SUCLG2: variants seen among roughly 807,000 people sequenced by gnomAD.
SUCLG2 encodes the protein succinate--CoA ligase [GDP-forming] subunit beta, mitochondrial.
Under a neutral mutation model 47.9 loss-of-function variants are expected in SUCLG2, and 42 were observed. The observed-to-expected ratio is 0.88, with a 90% confidence interval of 0.69 to 1.14. The LOEUF is 1.14. Ranked by LOEUF, SUCLG2 falls within the 50% of genes most tolerant of loss-of-function variation. The pLI is 0.00. For synonymous variants in SUCLG2, 195 were observed against 197.3 expected, an observed-to-expected ratio of 0.99 and a Z score of 0.10; for missense variants, 571 against 525.9, an observed-to-expected ratio of 1.09 and a Z score of -0.84.
chr3:67,380,259 C>G (rs1392746884), intron 10 of SUCLG2, among the ~76,000 whole-genome samples: 1 of 150,914 alleles, frequency 6.6e-6, no homozygotes, highest in Non-Finnish European at 1.5e-5. Context: ...GCTGGCTGTG[C>G]TCACTGCCCT....
At chr3:67,498,053 G>C (rs181638965) in intron 8 of SUCLG2, 81 bp downstream of exon 8, 4 of 1,402,678 alleles carry the variant, frequency 2.9e-6, no homozygotes, top group Non-Finnish European at 3.9e-6. Context: ...CTTCTTCTTG[G>C]TAAGTGACAT....
In SUCLG2 at chr3:67,606,001, C is replaced by A. The variant is rs571346246; in HGVS notation, c.226+3454G>T. On this transcript the variant is annotated intron_variant, in intron 2 of 10. Coordinates refer to ENST00000307227, the MANE Select transcript of SUCLG2 (RefSeq NM_003848.4). ...GCTGAGGCAGGAAGATCACTTGAGG[C>A]CAAACTGGGCAACACAGAGAGACCC... Among the ~76,000 whole-genome samples the A allele has an allele frequency of 2.0e-5, 3 of 151,964 alleles. No homozygotes were observed. In the South Asian group the frequency reaches 6.3e-4, roughly 32 times the overall value.
At chr3:67,570,543 T>A (rs1169147919) in intron 2 of SUCLG2, among the ~76,000 whole-genome samples, 1 of 152,190 alleles carries the variant, frequency 6.6e-6, no homozygotes, top group Non-Finnish European at 1.5e-5. Flanking sequence ...GGGCTGGGCA[T>A]GACAGAAAGA....
At chr3:67,653,841 C>T (rs1701330712) in intron 1 of SUCLG2, among the ~76,000 whole-genome samples, 1 of 152,216 alleles carries the variant, frequency 6.6e-6, no homozygotes, top group Non-Finnish European at 1.5e-5. Flanking sequence ...CCACCACTGA[C>T]CCTCTTTGAT....
At chr3:67,472,669 A>G (rs894201621) in intron 9 of SUCLG2, among the ~76,000 whole-genome samples, 2 of 152,190 alleles carry the variant, frequency 1.3e-5, no homozygotes, top group African/African-American at 2.4e-5. Context: ...AGATGACAGA[A>G]GCCAATCAAT....
At chr3:67,565,648 T>A (rs1321931214) in intron 2 of SUCLG2, among the ~76,000 whole-genome samples, 2 of 152,194 alleles carry the variant, frequency 1.3e-5, no homozygotes, top group African/African-American at 2.4e-5. Flanking sequence ...CAATAATTTA[T>A]CCAAATTTCC....
At chr3:67,485,235 A>C (rs1454128453) in intron 9 of SUCLG2, among the ~76,000 whole-genome samples, 1 of 152,208 alleles carries the variant, frequency 6.6e-6, no homozygotes, top group East Asian at 1.9e-4. Context: ...TAATTGTATA[A>C]AATACATAAA....
intron 2 of SUCLG2, among the ~76,000 whole-genome samples, chr3:67,578,340 GA>G (rs1015032646): frequency 4.0e-5 from 6 of 149,994 alleles, no homozygotes; most frequent in Admixed American, 2.0e-4. Flanking sequence ...CTATATCCAA[GA>G]GGTAAAGAAA....
chr3:67,367,896 TA>T (rs1338544685), intron 10 of SUCLG2, among the ~76,000 whole-genome samples: 1 of 152,220 alleles, frequency 6.6e-6, no homozygotes, highest in Non-Finnish European at 1.5e-5. Flanking sequence ...ATATATGGAA[TA>T]TATATAAACA....
intron 2 of SUCLG2, among the ~76,000 whole-genome samples, chr3:67,592,451 T>C: frequency 6.6e-6 from 1 of 152,188 alleles, no homozygotes. Flanking sequence ...TCTCATATGA[T>C]ATCTCTTCAC....
At chr3:67,381,573 G>T (rs1702158866) in intron 10 of SUCLG2, among the ~76,000 whole-genome samples, 1 of 152,176 alleles carries the variant, frequency 6.6e-6, no homozygotes, top group Admixed American at 6.5e-5. Flanking sequence ...TTTATTAAAT[G>T]CTACATTGCT....
intron 2 of SUCLG2, among the ~76,000 whole-genome samples, chr3:67,546,635 T>C (rs1004570048): frequency 6.6e-6 from 1 of 152,210 alleles, no homozygotes; most frequent in Admixed American, 6.5e-5. Flanking sequence ...CTCGGGAGAC[T>C]GAGGCAGAAG....
chr3:67,600,613 A>C (rs1208654988), intron 2 of SUCLG2, among the ~76,000 whole-genome samples: 4 of 152,240 alleles, frequency 2.6e-5, no homozygotes, highest in Non-Finnish European at 5.9e-5. Flanking sequence ...AGACCACTAC[A>C]TGATCACCAA....
At chr3:67,653,745 T>C (rs949378421) in intron 1 of SUCLG2, among the ~76,000 whole-genome samples, 1 of 152,206 alleles carries the variant, frequency 6.6e-6, no homozygotes, top group African/African-American at 2.4e-5. Context: ...CTCAAAACTT[T>C]CCTGAAGTCC....
intron 10 of SUCLG2, among the ~76,000 whole-genome samples, chr3:67,380,795 A>T (rs1311069499): frequency 6.6e-6 from 1 of 152,132 alleles, no homozygotes; most frequent in East Asian, 1.9e-4. Context: ...AAAGACAGGT[A>T]GAGAATAAGA....
intron 2 of SUCLG2, among the ~76,000 whole-genome samples, chr3:67,532,800 G>A (rs1020818725): frequency 2.0e-5 from 3 of 152,138 alleles, no homozygotes; most frequent in African/African-American, 7.2e-5. Context: ...ACCTTACTCT[G>A]TGGTCTTTTT....
intron 2 of SUCLG2, among the ~76,000 whole-genome samples, chr3:67,531,155 C>G (rs1458555017): frequency 6.6e-6 from 1 of 152,102 alleles, no homozygotes; most frequent in Non-Finnish European, 1.5e-5. Flanking sequence ...AATATGATAG[C>G]TATCAACATT....
rs566471151 is a variant in SUCLG2 at position 67,511,856 on chromosome 3, T to G, written c.661-2953A>C. ...GTGTGAGTGTGCGTGTGTGGGGGGG[T>G]GTGTGTGTGTGTACAAGAGAGTGTT... On this transcript the variant is annotated intron_variant, in intron 6 of 10. Transcript: ENST00000307227. 2.3e-4 allele frequency among the ~76,000 whole-genome samples: 33 copies of G among 144,122 alleles called. No homozygotes were observed. In the South Asian group the frequency reaches 5.9e-3, roughly 26 times the overall value. The allele number at this position is 144,122 out of a possible 152,430, so 94.5% of individuals were successfully genotyped here.
At chr3:67,635,762 T>C (rs1160728119) in intron 1 of SUCLG2, among the ~76,000 whole-genome samples, 1 of 152,082 alleles carries the variant, frequency 6.6e-6, no homozygotes, top group East Asian at 1.9e-4. Flanking sequence ...CACCCTGTCA[T>C]CAAGACCAAA....
Sources: allele counts gnomAD v4.1 joint callset (sites outside exome capture counted in the v4.1 genomes callset), GRCh38; gene constraint gnomAD v4.1.1; transcripts MANE v1.5; gene names NCBI Gene and HGNC (gene_info 2026-07-23, HGNC 2026-07-21).